Variants in CNTN5 observed in about 807,000 individuals in gnomAD.
CNTN5 encodes the protein contactin 5, also known as contactin-5.
In CNTN5, 77 loss-of-function variants were observed where a neutral mutation model predicts 129.1. That is an observed-to-expected ratio of 0.60 (90% CI 0.50 to 0.72). The LOEUF (loss-of-function observed/expected upper bound fraction) is 0.72. CNTN5 is among the 30% of genes least tolerant of loss of function. The pLI is 0.00. For missense variants in CNTN5, 1,478 were observed against 1,328.8 expected (o/e 1.11, Z -1.75); for synonymous variants, 509 against 465.6 (o/e 1.09, Z -1.20).
intron 1 of CNTN5, among the ~76,000 whole-genome samples, chr11:99,058,400 G>C (rs1864724986): frequency 6.6e-6 from 1 of 152,070 alleles, no homozygotes; most frequent in African/African-American, 2.4e-5. Context: ...AGAGAAAGCT[G>C]TATGCTATTG....
intron 3 of CNTN5, among the ~76,000 whole-genome samples, chr11:99,577,136 C>A (rs1044465252): frequency 6.6e-6 from 1 of 152,078 alleles, no homozygotes; most frequent in Non-Finnish European, 1.5e-5. Context: ...CAGGAAAAGA[C>A]AGGGCTTAAG....
At chr11:99,168,546 C>T (rs1419094448) in intron 1 of CNTN5, among the ~76,000 whole-genome samples, 1 of 147,808 alleles carries the variant, frequency 6.8e-6, no homozygotes, top group African/African-American at 2.5e-5. Context: ...CACCATTGCA[C>T]TCCAGCCTGG....
chr11:99,249,346 T>C (rs531313473), intron 1 of CNTN5, among the ~76,000 whole-genome samples: 1 of 152,264 alleles, frequency 6.6e-6, no homozygotes, highest in Non-Finnish European at 1.5e-5. Flanking sequence ...AAGTTGCCTA[T>C]CAGCTTAAGG....
chr11:99,978,932 A>T (rs980920287), intron 8 of CNTN5, among the ~76,000 whole-genome samples: 4 of 152,212 alleles, frequency 2.6e-5, no homozygotes, highest in African/African-American at 9.7e-5. Context: ...CTATAAGGTC[A>T]GGCAGAGAGC....
chr11:100,102,622 GAAT>G (rs1945270106), intron 13 of CNTN5, among the ~76,000 whole-genome samples: 1 of 151,890 alleles, frequency 6.6e-6, no homozygotes, highest in Non-Finnish European at 1.5e-5. Flanking sequence ...ACTGATAAAA[GAAT>G]AATTTAGAAT....
intron 10 of CNTN5, among the ~76,000 whole-genome samples, chr11:100,062,224 T>G (rs1419848717): frequency 6.6e-6 from 1 of 152,188 alleles, no homozygotes; most frequent in Non-Finnish European, 1.5e-5. Flanking sequence ...TATAGATGCT[T>G]TGAATATATA....
intron 3 of CNTN5, among the ~76,000 whole-genome samples, chr11:99,737,202 C>T (rs927121341): frequency 1.3e-5 from 2 of 151,830 alleles, no homozygotes; most frequent in African/African-American, 2.4e-5. Flanking sequence ...CTTTCAAAGT[C>T]CAACTCAAGT....
At chr11:99,070,146 T>C (rs895166513) in intron 1 of CNTN5, among the ~76,000 whole-genome samples, 3 of 152,040 alleles carry the variant, frequency 2.0e-5, no homozygotes, top group African/African-American at 4.8e-5. Context: ...GGCAGTATCT[T>C]CCCCCTCCCT....
At chr11:99,829,424 G>T (rs1266844331) in intron 4 of CNTN5, among the ~76,000 whole-genome samples, 8 of 152,072 alleles carry the variant, frequency 5.3e-5, no homozygotes. Flanking sequence ...ATCAAGAAAG[G>T]CACAGTAGTC....
chr11:100,092,947 G>A (rs11222728), intron 13 of CNTN5, among the ~76,000 whole-genome samples: 7 of 151,842 alleles, frequency 4.6e-5, no homozygotes, highest in East Asian at 1.9e-4. Context: ...TCTGAGTTTC[G>A]CAGATCCCTA....
chr11:99,264,085 A>T (rs371131673), intron 1 of CNTN5, among the ~76,000 whole-genome samples: 2 of 151,982 alleles, frequency 1.3e-5, no homozygotes, highest in Non-Finnish European at 2.9e-5. Flanking sequence ...ACACACTTCA[A>T]TAAAAATACA....
intron 15 of CNTN5, among the ~76,000 whole-genome samples, chr11:100,196,555 A>T (rs1948644007): frequency 6.6e-6 from 1 of 152,060 alleles, no homozygotes; most frequent in Non-Finnish European, 1.5e-5. Context: ...TTTGAACTCC[A>T]TTTCAACAGA....
chr11:99,202,066 G>A (rs1293020358), intron 1 of CNTN5, among the ~76,000 whole-genome samples: 2 of 152,112 alleles, frequency 1.3e-5, no homozygotes, highest in Non-Finnish European at 2.9e-5. Flanking sequence ...CATTCTAAAT[G>A]ATCCTAATAG....
intron 3 of CNTN5, among the ~76,000 whole-genome samples, chr11:99,617,909 T>A (rs1031754682): frequency 1.3e-5 from 2 of 152,216 alleles, no homozygotes; most frequent in Non-Finnish European, 2.9e-5. Flanking sequence ...TCCCATGTCC[T>A]GTACTAGAGA....
rs901754153 is a variant in CNTN5 at position 99,276,000 on chromosome 11, G to A, written c.-209-49346G>A. Among the ~76,000 whole-genome samples, 4 of 151,482 alleles carry A rather than the reference G, an allele frequency of 2.6e-5. No individual in the cohort carries two copies. In the South Asian group the frequency reaches 6.2e-4, roughly 24 times the overall value. On this transcript the variant is annotated intron_variant, in intron 1 of 24. Coordinates refer to ENST00000524871, the MANE Select transcript of CNTN5 (RefSeq NM_014361.4). ...GCAGATCTTCTCTATACTCTTCTCT[G>A]CCCCACTCTTTTCCTAGAAAGCCCA...
chr11:99,652,764 T>C (rs767241528), intron 3 of CNTN5, among the ~76,000 whole-genome samples: 7 of 152,178 alleles, frequency 4.6e-5, no homozygotes, highest in South Asian at 2.1e-4. Flanking sequence ...ATATAATCAT[T>C]ATTTTGTGTG....
chr11:99,336,658 G>A (rs550777169), intron 2 of CNTN5, among the ~76,000 whole-genome samples: 1 of 152,022 alleles, frequency 6.6e-6, no homozygotes, highest in South Asian at 2.1e-4. Context: ...TGGTCATCAT[G>A]GTGAGACTCC....
chr11:99,268,713 T>A (rs1863023961), intron 1 of CNTN5, among the ~76,000 whole-genome samples: 1 of 152,020 alleles, frequency 6.6e-6, no homozygotes, highest in Admixed American at 6.6e-5. Context: ...CTCAAATGTG[T>A]TTATTTGTCC....
chr11:99,091,175 C>T (rs574449049), intron 1 of CNTN5, among the ~76,000 whole-genome samples: 70 of 152,166 alleles, frequency 4.6e-4, no homozygotes, highest in Non-Finnish European at 7.6e-4. Context: ...AATTTATAGA[C>T]TGAACAAACA....
Sources: gnomAD v4.1 joint callset for allele counts (sites outside exome capture counted in the v4.1 genomes callset) on GRCh38, gnomAD v4.1.1 for gene constraint, MANE v1.5 for transcripts, NCBI Gene and HGNC (gene_info 2026-07-23, HGNC 2026-07-21) for gene names.